The following GATD1 variants were observed in gnomAD, a reference collection of about 807,000 sequenced individuals.
The protein encoded by GATD1 is glutamine amidotransferase class 1 domain containing 1.
GATD1 carries 23 observed loss-of-function variants against 25.9 expected under a neutral mutation model. The ratio of observed to expected loss-of-function variants is 0.89; its 90% CI spans 0.64 to 1.26. GATD1 has a LOEUF of 1.26. Ranked by LOEUF, GATD1 falls within the 50% of genes most tolerant of loss-of-function variation. GATD1 has a pLI of 0.00. For missense variants in GATD1, 347 were observed against 312.5 expected (o/e 1.11, Z -0.83); for synonymous variants, 177 against 134.6 (o/e 1.31, Z -2.18).
At position 767,291 on chromosome 11, in the gene GATD1, C is replaced by T; in HGVS notation, c.*3606G>A. 2 of 1,536,184 alleles carry T rather than the reference C, an allele frequency of 1.3e-6. No individual in the cohort carries two copies. The highest frequency in any genetic ancestry group is 1.4e-5 in the African/African-American group (1 of 73,178). ...ACACACTGGTATATGGGGAAATCCT[C>T]ACCCGCCCTCCGCTGCTCTTCTGGA... On this transcript the variant is annotated 3_prime_UTR_variant, in exon 8 of 8. Coordinates refer to ENST00000319863, the MANE Select transcript of GATD1 (RefSeq NM_182612.4).
chr11:768,527 C>T lies in GATD1; in HGVS notation c.*2370G>A. 6.6e-6 allele frequency: 1 copy of T among 151,924 alleles called. No homozygotes were observed. Among genetic ancestry groups the T allele is most frequent in the African/African-American group, 2.4e-5 (1 of 41,394 alleles). 9.4% of individuals were successfully genotyped at this position (151,924 alleles called of 1,614,324 possible). ...AATTAGCTGGGTGTGGTGGTGTGCA[C>T]CTGTAGTCCTAGCTACTTGGGAGGC... is the stretch of plus-strand genomic sequence containing the variant. On this transcript the variant is annotated 3_prime_UTR_variant, in exon 8 of 8. Transcript: ENST00000319863.
chr11:772,144 C>T (rs1449450195), intron 5 of GATD1, among the ~76,000 whole-genome samples: 1 of 152,184 alleles, frequency 6.6e-6, no homozygotes, highest in Non-Finnish European at 1.5e-5. Context: ...GTGAGTGGGC[C>T]TGGGCTTCCG....
Position 767,386 on chromosome 11 carries a change from G to A in GATD1, c.*3511C>T. On this transcript the variant is annotated 3_prime_UTR_variant, in exon 8 of 8. Coordinates refer to ENST00000319863, the MANE Select transcript of GATD1 (RefSeq NM_182612.4). ...CCCAAGCCCTGCCCTGGCAAAGAGA[G>A]AACTGTGCACAGCGGGGAGGCTCTC... 6.5e-7 allele frequency: 1 copy of A among 1,535,438 alleles called. No homozygotes were observed. Among genetic ancestry groups the A allele is most frequent in the Non-Finnish European group, 8.7e-7 (1 of 1,146,498 alleles).
Position 770,361 on chromosome 11 carries a change from C to T in GATD1, c.*536G>A, listed in dbSNP as rs770398765. On this transcript the variant is annotated 3_prime_UTR_variant, in exon 8 of 8. Transcript: ENST00000319863. ...AGATTTCTTCAACAGGAAAGTGCTG[C>T]CAGTGCCGGTCGGCCTTGGGGCAGG... is the stretch of plus-strand genomic sequence containing the variant. 1 of 1,534,126 alleles carries T rather than the reference C, an allele frequency of 6.5e-7. No homozygotes were observed. The highest frequency in any genetic ancestry group is 1.2e-5 in the South Asian group (1 of 83,916).
chr11:771,989 C>T (rs953391225), intron 5 of GATD1, among the ~76,000 whole-genome samples: 10 of 152,176 alleles, frequency 6.6e-5, no homozygotes, highest in Non-Finnish European at 8.8e-5. Flanking sequence ...CTCCCACAGC[C>T]GCCCCCAGTG....
At chr11:771,135 C>T (rs947543757) in intron 6 of GATD1, 31 bp from the exon 7 acceptor site, 8 of 1,560,748 alleles carry the variant, frequency 5.1e-6, no homozygotes, top group Middle Eastern at 1.7e-4. Context: ...CAACCTCAGG[C>T]AATGTCCACC....
intron 2 of GATD1, 26 bp from the exon 3 acceptor site, chr11:774,139 A>AG: frequency 6.3e-7 from 1 of 1,592,724 alleles, no homozygotes; most frequent in South Asian, 1.1e-5. Context: ...CCAGGGGCCG[A>AG]GGGTCAGCAC....
rs1381474727 is a variant in GATD1 at position 771,110 on chromosome 11, G to C, written c.545-6C>G. On this transcript the variant is annotated splice_region_variant and splice_polypyrimidine_tract_variant and intron_variant, in intron 6 of 7. Coordinates refer to ENST00000319863, the MANE Select transcript of GATD1 (RefSeq NM_182612.4). ...GACAGCGTCAGGCTCGCTTGCTGGGGAGGACCGAGGGCACCAACCTCAGGC... is the reference window on the plus strand; with the variant it reads ...GACAGCGTCAGGCTCGCTTGCTGGGCAGGACCGAGGGCACCAACCTCAGGC... The C allele has an allele frequency of 6.3e-7, 1 of 1,583,842 alleles. No individual in the cohort carries two copies.
chr11:772,795 G>A (rs2133626444), intron 4 of GATD1, among the ~76,000 whole-genome samples: 1 of 152,370 alleles, frequency 6.6e-6, no homozygotes, highest in African/African-American at 2.4e-5. Flanking sequence ...CACGCAGAGA[G>A]GAGGTCCTGA....
Position 769,198 on chromosome 11 carries a change from G to C in GATD1, c.*1699C>G, listed in dbSNP as rs1453845726. Reference sequence around the variant, plus strand: ...GACAGAGCAAGGCCCCGTGGCCAGTGCTAAGTGGGCATCCTGACTAATCTG... The same window carrying C: ...GACAGAGCAAGGCCCCGTGGCCAGTCCTAAGTGGGCATCCTGACTAATCTG... On this transcript the variant is annotated 3_prime_UTR_variant, in exon 8 of 8. Coordinates refer to ENST00000319863, the MANE Select transcript of GATD1 (RefSeq NM_182612.4). The C allele has an allele frequency of 1.0e-6, 1 of 985,384 alleles. No individual in the cohort carries two copies. The highest frequency in any genetic ancestry group is 1.7e-5 in the African/African-American group (1 of 57,254). 61.0% of individuals were successfully genotyped at this position (985,384 alleles called of 1,614,324 possible).
Position 773,601 on chromosome 11 carries a change from G to A in GATD1, c.276C>T (p.Pro92=), listed in dbSNP as rs1321097940. 1.9e-6 allele frequency: 3 copies of A among 1,608,442 alleles called. No homozygotes were observed. The highest frequency in any genetic ancestry group is 1.7e-5 in the Admixed American group (1 of 58,568). Residue 92 remains proline (P), a synonymous_variant, in exon 4 of 8, where the codon CCC becomes CCT. Coordinates refer to ENST00000319863, the MANE Select transcript of GATD1 (RefSeq NM_182612.4). ...DGARYHALLI[P]SCPGALTDLA... is the part of the protein sequence containing the mutation. ...GGTCGGTCAGGGCCCCAGGACAGCT[G>A]GGGATCAGGAGGGCATGGTACCGGG...
chr11:771,457 A>T, intron 5 of GATD1, 31 bp from the exon 6 acceptor site: 1 of 1,504,186 alleles, frequency 6.6e-7, no homozygotes, highest in African/African-American at 1.4e-5. Context: ...CTCCTGAGAC[A>T]GGCCCAGGCC....
At position 769,791 on chromosome 11, in the gene GATD1, G is replaced by GT; in HGVS notation, c.*1105dup. On this transcript the variant is annotated 3_prime_UTR_variant, in exon 8 of 8. Transcript: ENST00000319863. Reference sequence around the variant, plus strand: ...TGCCAGGCTAACTTTTTGTATTTTTGTTTTTTAGTAGAGATGGGGTTTCAC... The same window carrying GT: ...TGCCAGGCTAACTTTTTGTATTTTTGTTTTTTTAGTAGAGATGGGGTTTCAC... 2.2e-6 allele frequency: 1 copy of GT among 458,552 alleles called. No homozygotes were observed. The highest frequency in any genetic ancestry group is 2.9e-6 in the Non-Finnish European group (1 of 348,984). 28.4% of individuals were successfully genotyped at this position (458,552 alleles called of 1,614,324 possible).
chr11:774,400 T>C (rs544238282), intron 2 of GATD1, among the ~76,000 whole-genome samples: 48 of 152,270 alleles, frequency 3.2e-4, no homozygotes, highest in Non-Finnish European at 6.2e-4. Flanking sequence ...CTATGACTTA[T>C]GTACATCTGA....
At chr11:775,576 G>A (rs1565018402) in intron 1 of GATD1, among the ~76,000 whole-genome samples, 1 of 152,172 alleles carries the variant, frequency 6.6e-6, no homozygotes, top group African/African-American at 2.4e-5. Flanking sequence ...GGGTGTGAGG[G>A]TCACAGAGTT....
chr11:771,476 C>G, intron 5 of GATD1, 50 bp from the exon 6 acceptor site: 1 of 1,488,174 alleles, frequency 6.7e-7, no homozygotes, highest in Non-Finnish European at 8.9e-7. Context: ...CCCTGCGGCC[C>G]ACCCCAGGGG....
At chr11:773,203 G>T in intron 4 of GATD1, 1 of 347,574 alleles carries the variant, frequency 2.9e-6, no homozygotes, top group East Asian at 8.2e-5. Context: ...CTGGCCTTGA[G>T]CCCCAAGCCC....
At chr11:771,174 C>G in intron 6 of GATD1, 70 bp from the exon 7 acceptor site, 1 of 1,545,404 alleles carries the variant, frequency 6.5e-7, no homozygotes. Flanking sequence ...GAACTCCAGG[C>G]GGGCTCCCAG....
intron 6 of GATD1, 24 bp downstream of exon 6, chr11:771,309 G>T (rs752244329): frequency 6.2e-7 from 1 of 1,604,564 alleles, no homozygotes; most frequent in Admixed American, 1.7e-5. Context: ...TTCTGTAAGT[G>T]CAGGGGGCAC....
Sources: gnomAD v4.1 joint callset for allele counts (sites outside exome capture counted in the v4.1 genomes callset) on GRCh38, gnomAD v4.1.1 for gene constraint, MANE v1.5 for transcripts, NCBI Gene and HGNC (gene_info 2026-07-23, HGNC 2026-07-21) for gene names.